DLG2: variants seen among roughly 807,000 people sequenced by gnomAD.
The protein encoded by DLG2 is disks large homolog 2.
Under a neutral mutation model 132.5 loss-of-function variants are expected in DLG2, and 45 were observed. That is an observed-to-expected ratio of 0.34 (90% confidence interval 0.27 to 0.44). DLG2 has a LOEUF of 0.44. DLG2 is among the 20% of genes least tolerant of loss of function. DLG2 has a pLI of 1.00. For synonymous variants in DLG2, 424 were observed against 419.6 expected (o/e 1.01, Z -0.13); for missense variants, 1,045 against 1,196.9 (o/e 0.87, Z 1.87).
rs559162268 is a variant in DLG2 at position 85,110,546 on chromosome 11, C to T, written c.357+1115G>A. Among the ~76,000 whole-genome samples the T allele has an allele frequency of 7.2e-5, 11 of 152,216 alleles. No homozygotes were observed. In the East Asian group the frequency reaches 1.7e-3, roughly 24 times the overall value. On this transcript the variant is annotated intron_variant, in intron 6 of 27. Transcript: ENST00000376104. ...ATTTTTATTCTCTGAGTCTCCAGCACATCTGGGCTCCCTCTGCACTGCAGG... is the reference window on the plus strand; with the variant it reads ...ATTTTTATTCTCTGAGTCTCCAGCATATCTGGGCTCCCTCTGCACTGCAGG...
chr11:85,380,820 G>A (rs1292617007), intron 3 of DLG2, among the ~76,000 whole-genome samples: 1 of 152,274 alleles, frequency 6.6e-6, no homozygotes, highest in African/African-American at 2.4e-5. Context: ...ACACTTATAG[G>A]AGTCCAGAAT....
intron 6 of DLG2, among the ~76,000 whole-genome samples, chr11:84,909,904 T>C (rs1363020742): frequency 6.6e-6 from 1 of 152,220 alleles, no homozygotes; most frequent in African/African-American, 2.4e-5. Flanking sequence ...ATCCTGCCTC[T>C]GGCCATTTTG....
intron 6 of DLG2, among the ~76,000 whole-genome samples, chr11:85,048,737 AAAT>A (rs1256033583): frequency 1.9e-4 from 29 of 152,068 alleles, no homozygotes; most frequent in African/African-American, 5.3e-4. Context: ...GAAGTCATTA[AAAT>A]AATAAATGTG....
intron 2 of DLG2, among the ~76,000 whole-genome samples, chr11:85,622,506 T>C (rs541769610): frequency 2.2e-4 from 34 of 151,428 alleles, no homozygotes; most frequent in African/African-American, 8.0e-4. Context: ...AAAGCAAATG[T>C]AAATTAGTAA....
At chr11:85,040,479 T>C (rs1416538089) in intron 6 of DLG2, among the ~76,000 whole-genome samples, 3 of 151,962 alleles carry the variant, frequency 2.0e-5, no homozygotes, top group Admixed American at 1.3e-4. Flanking sequence ...CTTGCCAAAA[T>C]ACCATTTCAG....
chr11:85,463,370 A>C (rs1195967351), intron 3 of DLG2, among the ~76,000 whole-genome samples: 1 of 152,240 alleles, frequency 6.6e-6, no homozygotes, highest in Non-Finnish European at 1.5e-5. Context: ...CTTAGCAGAA[A>C]ATGTCTATGA....
In DLG2 at chr11:83,538,912, C is replaced by G. The variant is rs892907037; in HGVS notation, c.2117+2770G>C. ...CTTGCTGAATTGAATTTTGCTAGCT[C>G]TTATTTTTGTATCTGTAGGGGGCAA... is the stretch of plus-strand genomic sequence containing the variant. On this transcript the variant is annotated intron_variant, in intron 20 of 27. Transcript: ENST00000376104. Among the ~76,000 whole-genome samples, 3 of 152,300 alleles carry G rather than the reference C, an allele frequency of 2.0e-5. No individual in the cohort carries two copies. In the East Asian group the frequency reaches 5.8e-4, roughly 29 times the overall value.
At chr11:85,499,296 C>G (rs1170571822) in intron 3 of DLG2, among the ~76,000 whole-genome samples, 1 of 152,020 alleles carries the variant, frequency 6.6e-6, no homozygotes, top group Non-Finnish European at 1.5e-5. Context: ...TACAAACTAC[C>G]ATCAGAGAAT....
chr11:85,267,966 G>A (rs1174867627), intron 4 of DLG2, among the ~76,000 whole-genome samples: 2 of 151,878 alleles, frequency 1.3e-5, no homozygotes, highest in Non-Finnish European at 2.9e-5. Flanking sequence ...CATTTCTCAG[G>A]ATCATGAATA....
At chr11:83,517,630 T>A (rs1300847033) in intron 21 of DLG2, among the ~76,000 whole-genome samples, 1 of 152,158 alleles carries the variant, frequency 6.6e-6, no homozygotes, top group Non-Finnish European at 1.5e-5. Flanking sequence ...TTCTGCTCTG[T>A]TTTTTCCCCA....
chr11:84,042,687 G>A (rs893498046), intron 11 of DLG2, among the ~76,000 whole-genome samples: 2 of 151,834 alleles, frequency 1.3e-5, no homozygotes, highest in Non-Finnish European at 2.9e-5. Context: ...TGTGTGCCAT[G>A]GAATACTATG....
intron 16 of DLG2, among the ~76,000 whole-genome samples, chr11:83,836,888 G>A (rs942094211): frequency 6.6e-5 from 10 of 152,262 alleles, no homozygotes; most frequent in African/African-American, 2.4e-4. Flanking sequence ...GGTGGGCATG[G>A]CAGTTCAGCT....
intron 3 of DLG2, among the ~76,000 whole-genome samples, chr11:85,319,249 C>A (rs1384108358): frequency 6.6e-6 from 1 of 151,664 alleles, no homozygotes; most frequent in Admixed American, 6.6e-5. Context: ...TTCAAGAATG[C>A]TTTTAAATCT....
chr11:83,497,418 C>G (rs2094203289), intron 21 of DLG2, among the ~76,000 whole-genome samples: 1 of 152,010 alleles, frequency 6.6e-6, no homozygotes, highest in South Asian at 2.1e-4. Context: ...GCCTGTAGTC[C>G]CATCTACTCA....
chr11:85,078,618 G>A (rs2066854622), intron 6 of DLG2, among the ~76,000 whole-genome samples: 1 of 152,020 alleles, frequency 6.6e-6, no homozygotes, highest in Non-Finnish European at 1.5e-5. Flanking sequence ...TATTTTTACA[G>A]CAGATTATTA....
At chr11:85,303,009 T>C (rs1286305206) in intron 3 of DLG2, among the ~76,000 whole-genome samples, 1 of 152,208 alleles carries the variant, frequency 6.6e-6, no homozygotes, top group East Asian at 1.9e-4. Flanking sequence ...ACTCCTTTAG[T>C]AAGTGATGGA....
chr11:84,153,364 C>G (rs1433673119), intron 9 of DLG2, among the ~76,000 whole-genome samples: 2 of 151,934 alleles, frequency 1.3e-5, no homozygotes, highest in Non-Finnish European at 2.9e-5. Flanking sequence ...TTCTGTATTT[C>G]TTGAATTTGC....
intron 6 of DLG2, among the ~76,000 whole-genome samples, chr11:84,609,459 G>A (rs997218802): frequency 2.6e-5 from 4 of 152,068 alleles, no homozygotes; most frequent in Non-Finnish European, 4.4e-5. Context: ...AGTTTTTGGT[G>A]AGAAGACATA....
intron 3 of DLG2, among the ~76,000 whole-genome samples, chr11:85,469,031 T>C (rs1445237872): frequency 6.6e-6 from 1 of 152,206 alleles, no homozygotes; most frequent in African/African-American, 2.4e-5. Flanking sequence ...TATATGTTTA[T>C]TGAGTGCACG....
Sources: allele counts gnomAD v4.1 joint callset (sites outside exome capture counted in the v4.1 genomes callset), GRCh38; gene constraint gnomAD v4.1.1; transcripts MANE v1.5; gene names NCBI Gene and HGNC (gene_info 2026-07-23, HGNC 2026-07-21).